The following SMYD3 variants were observed in gnomAD, a reference collection of about 807,000 sequenced individuals.
SMYD3 encodes the protein SET and MYND domain containing 3, also known as histone-lysine N-methyltransferase SMYD3.
SMYD3 carries 36 observed loss-of-function variants against 57.7 expected under a neutral mutation model. The ratio of observed to expected loss-of-function variants is 0.62; its 90% CI spans 0.48 to 0.82. SMYD3 has a LOEUF of 0.82. SMYD3 is among the 40% of genes least tolerant of loss of function. SMYD3 has a pLI of 0.00. For synonymous variants in SMYD3, 211 were observed against 195.0 expected, an observed-to-expected ratio of 1.08 and a Z score of -0.68; for missense variants, 515 against 538.8, an observed-to-expected ratio of 0.96 and a Z score of 0.44.
chr1:246,272,355 T>C (rs2064238677), intron 5 of SMYD3, among the ~76,000 whole-genome samples: 1 of 152,226 alleles, frequency 6.6e-6, no homozygotes, highest in Non-Finnish European at 1.5e-5. Context: ...CCTTATCTCA[T>C]CCTCAATCTT....
At chr1:246,161,410 C>T (rs1013347460) in intron 5 of SMYD3, among the ~76,000 whole-genome samples, 1 of 152,174 alleles carries the variant, frequency 6.6e-6, no homozygotes, top group Non-Finnish European at 1.5e-5. Context: ...CTCTTCCAGG[C>T]TGAACCCGTT....
chr1:246,300,203 A>C (rs1403799996), intron 5 of SMYD3, among the ~76,000 whole-genome samples: 1 of 152,082 alleles, frequency 6.6e-6, no homozygotes, highest in Non-Finnish European at 1.5e-5. Context: ...TGGATTTCTC[A>C]TTTGTGCTTT....
intron 5 of SMYD3, among the ~76,000 whole-genome samples, chr1:246,120,363 C>A (rs528697914): frequency 2.6e-5 from 4 of 152,258 alleles, no homozygotes. Context: ...GGTTTCACTG[C>A]CTGAAACCAG....
intron 5 of SMYD3, among the ~76,000 whole-genome samples, chr1:246,145,664 C>A (rs144550619): frequency 6.6e-6 from 1 of 152,110 alleles, no homozygotes; most frequent in East Asian, 1.9e-4. Context: ...CAGTAAGTAG[C>A]GTAAGCCTCT....
At chr1:246,290,933 T>G (rs1032750425) in intron 5 of SMYD3, among the ~76,000 whole-genome samples, 2 of 152,178 alleles carry the variant, frequency 1.3e-5, no homozygotes, top group African/African-American at 4.8e-5. Context: ...ATATTTATTT[T>G]AAAACATGCC....
At chr1:246,001,367 C>T (rs1447615557) in intron 5 of SMYD3, among the ~76,000 whole-genome samples, 1 of 152,182 alleles carries the variant, frequency 6.6e-6, no homozygotes, top group East Asian at 1.9e-4. Flanking sequence ...ACAAGCACGT[C>T]CTCCTCTTGC....
intron 5 of SMYD3, among the ~76,000 whole-genome samples, chr1:246,186,543 A>T (rs936293857): frequency 1.3e-5 from 2 of 152,144 alleles, no homozygotes; most frequent in Non-Finnish European, 2.9e-5. Context: ...GAAACCAGAG[A>T]ACAGCACGGT....
At chr1:246,187,032 C>T (rs778883795) in intron 5 of SMYD3, 8 of 660,308 alleles carry the variant, frequency 1.2e-5, no homozygotes, top group African/African-American at 9.8e-5. Context: ...TGCTAGATAA[C>T]GAGGTGATGT....
intron 10 of SMYD3, among the ~76,000 whole-genome samples, chr1:245,834,641 T>A (rs2050014304): frequency 6.6e-6 from 1 of 152,180 alleles, no homozygotes; most frequent in Admixed American, 6.5e-5. Flanking sequence ...GCCAACCTCA[T>A]TTCACAGTTC....
At chr1:246,475,982 T>C (rs1369663657) in intron 1 of SMYD3, among the ~76,000 whole-genome samples, 1 of 152,194 alleles carries the variant, frequency 6.6e-6, no homozygotes, top group East Asian at 1.9e-4. Flanking sequence ...TTATAAGCTA[T>C]CTAGATTTTG....
intron 10 of SMYD3, among the ~76,000 whole-genome samples, chr1:245,842,407 T>C (rs1476387366): frequency 6.6e-6 from 1 of 151,300 alleles, no homozygotes; most frequent in Admixed American, 6.6e-5. Context: ...TTACTTAACC[T>C]AGCTTTTCCC....
intron 11 of SMYD3, among the ~76,000 whole-genome samples, chr1:245,757,940 T>C (rs2045679030): frequency 6.6e-6 from 1 of 152,156 alleles, no homozygotes; most frequent in Non-Finnish European, 1.5e-5. Context: ...TTTCAAGATG[T>C]ATTTTTCTAC....
intron 5 of SMYD3, among the ~76,000 whole-genome samples, chr1:246,170,899 T>C (rs1419602096): frequency 6.6e-6 from 1 of 152,246 alleles, no homozygotes; most frequent in Non-Finnish European, 1.5e-5. Context: ...CGCTAAATAC[T>C]GTATTTTGCA....
At chr1:246,335,765 C>T (rs2065533345) in intron 2 of SMYD3, among the ~76,000 whole-genome samples, 1 of 152,144 alleles carries the variant, frequency 6.6e-6, no homozygotes, top group Non-Finnish European at 1.5e-5. Flanking sequence ...TTACAGCTTA[C>T]TTAATAATGT....
chr1:246,414,368 T>C (rs1425046454), intron 1 of SMYD3, among the ~76,000 whole-genome samples: 2 of 152,200 alleles, frequency 1.3e-5, no homozygotes, highest in East Asian at 1.9e-4. Context: ...CTTGGTAAGT[T>C]AGCAAAGCCC....
chr1:246,286,654 T>C (rs2064571840), intron 5 of SMYD3, among the ~76,000 whole-genome samples: 2 of 152,176 alleles, frequency 1.3e-5, no homozygotes, highest in African/African-American at 4.8e-5. Flanking sequence ...TTTTTGTTCA[T>C]CTTTGTATAT....
At chr1:246,079,085 A>G in intron 5 of SMYD3, among the ~76,000 whole-genome samples, 1 of 152,114 alleles carries the variant, frequency 6.6e-6, no homozygotes, top group East Asian at 1.9e-4. Context: ...GCTTCTCCAT[A>G]GGCAGAGCAG....
intron 5 of SMYD3, among the ~76,000 whole-genome samples, chr1:246,074,346 T>C (rs1317745177): frequency 6.6e-6 from 1 of 150,476 alleles, no homozygotes; most frequent in Non-Finnish European, 1.5e-5. Context: ...TCCTTTTTTA[T>C]TGGTTTGCCA....
At chr1:245,941,886 T>C (rs1200030007) in intron 5 of SMYD3, among the ~76,000 whole-genome samples, 3 of 152,166 alleles carry the variant, frequency 2.0e-5, no homozygotes, top group Non-Finnish European at 4.4e-5. Context: ...CTAGGCTTTA[T>C]AAGTGAAGGA....
Sources: allele counts gnomAD v4.1 joint callset (sites outside exome capture counted in the v4.1 genomes callset), GRCh38; gene constraint gnomAD v4.1.1; transcripts MANE v1.5; gene names NCBI Gene and HGNC (gene_info 2026-07-23, HGNC 2026-07-21).